MYO16: variants seen among roughly 807,000 people sequenced by gnomAD.
The protein encoded by MYO16 is unconventional myosin-XVI.
In MYO16, 94 loss-of-function variants were observed where a neutral mutation model predicts 205.3. That is an observed-to-expected ratio of 0.46 (90% CI 0.39 to 0.54). The LOEUF is 0.54. Ranked by LOEUF, MYO16 falls within the 20% of genes least tolerant of loss-of-function variation. MYO16 has a pLI of 0.00. For synonymous variants in MYO16, 988 were observed against 954.0 expected, an observed-to-expected ratio of 1.04 and a Z score of -0.66; for missense variants, 2,315 against 2,387.5, an observed-to-expected ratio of 0.97 and a Z score of 0.63.
chr13:108,548,244 T>C, the MYO16 span, among the ~76,000 whole-genome samples: 8 of 151,152 alleles, frequency 5.3e-5, no homozygotes, highest in African/African-American at 1.7e-4. Flanking sequence ...GTGGTGGTGG[T>C]GGCAGTGGTG....
Position 109,206,740 on chromosome 13 carries a change from TC to T in MYO16, c.5552del (p.Pro1851HisfsTer10). On this transcript the variant is annotated frameshift_variant, in exon 35 of 35. Coordinates refer to ENST00000457511, the MANE Select transcript of MYO16 (RefSeq NM_001198950.3). LOFTEE classifies it high-confidence loss of function. ...TGCACCACGCTGAGCCCAGGGTGCC[TC>T]CCCCACCACCTTGCAAGAAGCCCAG... Reference protein sequence around the residue: ...ILHHAEPRVPPPPPCKKPSLL... With the variant: ...ILHHAEPRVPXPPPCKKPSLL... The T allele has an allele frequency of 6.2e-7, 1 of 1,613,930 alleles. No individual in the cohort carries two copies. Among genetic ancestry groups the T allele is most frequent in the South Asian group, 1.1e-5 (1 of 91,056 alleles).
intron 1 of MYO16, among the ~76,000 whole-genome samples, chr13:108,604,005 T>G (rs1193564159): frequency 6.6e-6 from 1 of 152,138 alleles, no homozygotes; most frequent in African/African-American, 2.4e-5. Flanking sequence ...AGGAAATTTA[T>G]AATCATGGCA....
rs1429565488 is a variant in MYO16, at chr13:108,694,944, C to A, written c.293-17717C>A. 3.9e-5 allele frequency among the ~76,000 whole-genome samples: 6 copies of A among 152,192 alleles called. No individual in the cohort carries two copies. In the East Asian group the frequency reaches 1.2e-3, roughly 29 times the overall value. On this transcript the variant is annotated intron_variant, in intron 2 of 34. Coordinates refer to ENST00000457511, the MANE Select transcript of MYO16 (RefSeq NM_001198950.3). ...CCTGACCAACATGGAGAAACCCCGT[C>A]TCTACTAAAAATACAAAATTAGCCG...
At chr13:108,778,634 T>A (rs9521042) in intron 4 of MYO16, among the ~76,000 whole-genome samples, 51,197 of 151,498 alleles carry the variant, frequency 0.34, 9,806 homozygotes, top group East Asian at 0.63. Flanking sequence ...ATATATATTT[T>A]TTTTCTGTTT....
At chr13:109,174,084 A>C (rs1337688369) in intron 33 of MYO16, among the ~76,000 whole-genome samples, 1 of 151,902 alleles carries the variant, frequency 6.6e-6, no homozygotes, top group African/African-American at 2.4e-5. Context: ...GGTTTTGTAC[A>C]TGAAGCAAGA....
rs574159278 is a variant in MYO16, at chr13:108,609,855, A to G, written c.-39+13616A>G. 1.0e-3 allele frequency among the ~76,000 whole-genome samples: 156 copies of G among 152,240 alleles called. 1 individual carries two copies. Among genetic ancestry groups the G allele is most frequent in the Admixed American group, 2.6e-3 (39 of 15,286 alleles). ...AGTTATTTGAGTAAAAGCCTCATGG[A>G]ATGGCCCTGCATAAAGAGATTGGCT... is the stretch of plus-strand genomic sequence containing the variant. On this transcript the variant is annotated intron_variant, in intron 1 of 24. Transcript: ENST00000251041.
intron 4 of MYO16, among the ~76,000 whole-genome samples, chr13:108,760,857 C>G (rs1299630672): frequency 6.6e-6 from 1 of 152,162 alleles, no homozygotes; most frequent in African/African-American, 2.4e-5. Flanking sequence ...ATTCTACTCT[C>G]TACCTCCATA....
At chr13:108,967,202 A>C (rs145481547) in intron 20 of MYO16, among the ~76,000 whole-genome samples, 3 of 151,446 alleles carry the variant, frequency 2.0e-5, no homozygotes, top group African/African-American at 7.3e-5. Context: ...TAAATTTGGC[A>C]AGAGAGAATA....
chr13:108,560,324 G>C, the MYO16 span, among the ~76,000 whole-genome samples: 1 of 152,178 alleles, frequency 6.6e-6, no homozygotes, highest in African/African-American at 2.4e-5. Context: ...CAATGAATGG[G>C]CCACCTCCCA....
intron 22 of MYO16, among the ~76,000 whole-genome samples, chr13:109,013,114 A>ACCCCC (rs1181676669): frequency 2.7e-4 from 15 of 55,152 alleles, no homozygotes; most frequent in South Asian, 9.5e-4. Flanking sequence ...CCCCTCCCCC[A>ACCCCC]CCCCCCCCCA....
the MYO16 span, among the ~76,000 whole-genome samples, chr13:108,496,080 G>C: frequency 6.6e-6 from 1 of 152,138 alleles, no homozygotes; most frequent in Non-Finnish European, 1.5e-5. Context: ...TGCGGCGCTG[G>C]GTCCCCACCC....
chr13:108,930,364 AAG>A (rs1275819875), intron 16 of MYO16, among the ~76,000 whole-genome samples: 1 of 152,194 alleles, frequency 6.6e-6, no homozygotes, highest in Non-Finnish European at 1.5e-5. Context: ...CCATGAAATG[AAG>A]AGATATATCA....
the MYO16 span, among the ~76,000 whole-genome samples, chr13:108,495,848 G>C: frequency 6.6e-6 from 1 of 151,850 alleles, no homozygotes; most frequent in African/African-American, 2.4e-5. Flanking sequence ...CCCGCCGCGC[G>C]GGGCTGGTTT....
chr13:108,801,124 A>T (rs1886956958), intron 6 of MYO16, among the ~76,000 whole-genome samples: 2 of 152,232 alleles, frequency 1.3e-5, no homozygotes, highest in Admixed American at 6.5e-5. Context: ...TCTTCAAAAT[A>T]TGCCGAGTTC....
intron 23 of MYO16, among the ~76,000 whole-genome samples, chr13:109,037,340 C>T (rs557329751): frequency 1.3e-5 from 2 of 152,150 alleles, no homozygotes; most frequent in Non-Finnish European, 2.9e-5. Context: ...AATGGGCTCT[C>T]CTTTCTAGGG....
At chr13:109,097,818 A>T (rs1330315829) in intron 27 of MYO16, among the ~76,000 whole-genome samples, 1 of 152,176 alleles carries the variant, frequency 6.6e-6, no homozygotes, top group Non-Finnish European at 1.5e-5. Flanking sequence ...AAATCCATCT[A>T]TGAGAAGAAA....
intron 4 of MYO16, among the ~76,000 whole-genome samples, chr13:108,772,198 ACATAG>A (rs1302147321): frequency 6.6e-6 from 1 of 152,042 alleles, no homozygotes; most frequent in African/African-American, 2.4e-5. Flanking sequence ...AAAAAATATT[ACATAG>A]AAAGAAATAG....
At chr13:108,926,855 C>A (rs1882029118) in intron 16 of MYO16, among the ~76,000 whole-genome samples, 1 of 152,094 alleles carries the variant, frequency 6.6e-6, no homozygotes, top group Non-Finnish European at 1.5e-5. Flanking sequence ...CGGTGTTAAA[C>A]AACATCTTTT....
At chr13:108,589,855 C>G in the MYO16 span, among the ~76,000 whole-genome samples, 1 of 152,068 alleles carries the variant, frequency 6.6e-6, no homozygotes, top group African/African-American at 2.4e-5. Context: ...TCCTTCGGAG[C>G]AAAATTACAC....
Sources: allele counts gnomAD v4.1 joint callset (sites outside exome capture counted in the v4.1 genomes callset), GRCh38; gene constraint gnomAD v4.1.1; transcripts MANE v1.5; gene names NCBI Gene and HGNC (gene_info 2026-07-23, HGNC 2026-07-21).